The following INSR variants were observed in gnomAD, a reference collection of about 807,000 sequenced individuals.
INSR encodes the protein IR.
Under a neutral mutation model 142.6 loss-of-function variants are expected in INSR, and 67 were observed. The ratio of observed to expected loss-of-function variants is 0.47; its 90% CI spans 0.39 to 0.58. The LOEUF is 0.58. Ranked by LOEUF, INSR falls within the 20% of genes least tolerant of loss-of-function variation. The pLI is 0.00. For synonymous variants in INSR, 756 were observed against 743.1 expected (o/e 1.02, Z -0.28); for missense variants, 1,248 against 1,833.2 (o/e 0.68, Z 5.83).
intron 10 of INSR, among the ~76,000 whole-genome samples, chr19:7,151,162 CTCTTTCTT>C (rs1218566297): frequency 0.073 from 3,342 of 45,818 alleles, 95 homozygotes; most frequent in East Asian, 0.14. Context: ...TTCTTTCTTT[CTCTTTCTT>C]TCTTTCTTTC....
chr19:7,196,461 C>T (rs1381448996), intron 2 of INSR, among the ~76,000 whole-genome samples: 1 of 152,088 alleles, frequency 6.6e-6, no homozygotes, highest in Non-Finnish European at 1.5e-5. Flanking sequence ...AAACAAAAAG[C>T]GACCAATTTG....
chr19:7,268,320 T>C (rs1241125622), intron 1 of INSR: 3 of 511,542 alleles, frequency 5.9e-6, no homozygotes, highest in Non-Finnish European at 5.0e-6. Context: ...GAAAGCTAAA[T>C]GTATTTGTTT....
At chr19:7,220,000 A>G (rs146396985) in intron 2 of INSR, among the ~76,000 whole-genome samples, 1 of 152,184 alleles carries the variant, frequency 6.6e-6, no homozygotes, top group Non-Finnish European at 1.5e-5. Flanking sequence ...CCCTGAACCA[A>G]TCATGGAGGC....
chr19:7,280,317 G>A (rs917154572), intron 1 of INSR, among the ~76,000 whole-genome samples: 5 of 151,036 alleles, frequency 3.3e-5, no homozygotes, highest in Non-Finnish European at 5.9e-5. Context: ...GGTTGCTCAC[G>A]CCTGTAATTC....
intron 2 of INSR, among the ~76,000 whole-genome samples, chr19:7,244,654 A>G (rs1462822252): frequency 3.3e-5 from 5 of 152,200 alleles, no homozygotes; most frequent in African/African-American, 1.2e-4. Flanking sequence ...CATTTGTCCC[A>G]AGAATAATCT....
intron 2 of INSR, among the ~76,000 whole-genome samples, chr19:7,261,782 C>T (rs964931580): frequency 5.3e-5 from 8 of 152,138 alleles, no homozygotes; most frequent in African/African-American, 1.9e-4. Flanking sequence ...CCACCTACCT[C>T]GGCCTCCCAA....
intron 19 of INSR, 47 bp downstream of exon 19, chr19:7,122,567 A>C (rs763563089): frequency 1.2e-6 from 2 of 1,609,554 alleles, no homozygotes; most frequent in Non-Finnish European, 1.7e-6. Context: ...TCTGAAATCA[A>C]ACCTGGCCTG....
Position 7,153,057 on chromosome 19 carries a change from A to ACACACACAC in INSR, c.2030-139_2030-131dup, listed in dbSNP as rs1568449185. 1.2e-3 allele frequency: 403 copies of ACACACACAC among 326,730 alleles called. 7 individuals are homozygous for ACACACACAC. In the East Asian group the frequency reaches 0.013, roughly 11 times the overall value. 20.2% of individuals were successfully genotyped at this position (326,730 alleles called of 1,614,324 possible). ...ACACACACACCACACACCCCCCCACACACACACACCACACACATCACACAA... is the reference window on the plus strand; with the variant it reads ...ACACACACACCACACACCCCCCCACACACACACACCACACACACCACACACATCACACAA... On this transcript the variant is annotated intron_variant, in intron 9 of 21. Coordinates refer to ENST00000302850, the MANE Select transcript of INSR (RefSeq NM_000208.4).
At position 7,157,191 on chromosome 19, in the gene INSR, G is replaced by C. The variant is rs1279138613; in HGVS notation, c.2030-4264C>G. Among the ~76,000 whole-genome samples, 3 of 152,128 alleles carry C rather than the reference G, an allele frequency of 2.0e-5. No homozygotes were observed. The East Asian group carries it at 5.8e-4, about 29-fold the overall frequency. ...GACGGGGTTTGGCCATGTTGGCCAG[G>C]CTGGTCTGAACTCCTGACCTCAGGT... On this transcript the variant is annotated intron_variant, in intron 9 of 21. Transcript: ENST00000302850.
Position 7,122,924 on chromosome 19 carries a change from G to T in INSR, c.3324C>A (p.His1108Gln). The T allele has an allele frequency of 6.2e-7, 1 of 1,608,594 alleles. No homozygotes were observed. Among genetic ancestry groups the T allele is most frequent in the East Asian group, 2.2e-5 (1 of 44,684 alleles). ...PTLVVMELMAHGDLKSYLRSL... is the reference protein window; with the variant it reads ...PTLVVMELMAQGDLKSYLRSL... ...AACGGAGGTAGCTCTTCAGGTCTCC[G>T]TGAGCCATCAGCTCCATCACCACCA... Residue 1108 changes from histidine (H) to glutamine (Q), a missense_variant, in exon 18 of 22, where the codon CAC (histidine) becomes CAA (glutamine). This residue lies in a region of INSR where 1,069 missense variants were observed against 1,654.0 expected (regional missense o/e 0.65). Coordinates refer to ENST00000302850, the MANE Select transcript of INSR (RefSeq NM_000208.4).
At chr19:7,272,195 AC>A (rs1243039404) in intron 1 of INSR, among the ~76,000 whole-genome samples, 1 of 151,986 alleles carries the variant, frequency 6.6e-6, no homozygotes, top group African/African-American at 2.4e-5. Context: ...AGTCCCAGCT[AC>A]TTGGGAAGCT....
In INSR at chr19:7,119,848, A is replaced by C. The variant is rs1972442676; in HGVS notation, c.3660-265T>G. Among the ~76,000 whole-genome samples the C allele has an allele frequency of 1.3e-5, 1 of 75,954 alleles. No homozygotes were observed. The highest frequency in any genetic ancestry group is 1.3e-4 in the Admixed American group (1 of 7,792). 49.8% of individuals were successfully genotyped at this position (75,954 alleles called of 152,430 possible). A position where few individuals can be genotyped will look rare whatever the true frequency, so the allele number is the denominator to read the frequency against. ...CACACAAACACACACACCCAAACAC[A>C]CACACGCACACACATGCAAACACAC... On this transcript the variant is annotated intron_variant, in intron 20 of 21. Transcript: ENST00000302850. The surrounding 1 kb of genome is among the most constrained non-coding windows in gnomAD (Gnocchi z 5.2).
chr19:7,238,851 C>T (rs1190697151), intron 2 of INSR, among the ~76,000 whole-genome samples: 2 of 148,030 alleles, frequency 1.4e-5, no homozygotes, highest in East Asian at 3.9e-4. Flanking sequence ...TATGTGTCCC[C>T]AAAACTTGGG....
chr19:7,284,339 C>T (rs921878378), intron 1 of INSR, among the ~76,000 whole-genome samples: 6 of 152,202 alleles, frequency 3.9e-5, no homozygotes, highest in African/African-American at 1.4e-4. Flanking sequence ...GCTGGGATTG[C>T]AGATGTGAGC....
rs1467113138 is a variant in INSR, at chr19:7,142,955, C to G, written c.2403G>C (p.Val801=). The G allele has an allele frequency of 1.9e-6, 3 of 1,614,050 alleles. No homozygotes were observed. Among genetic ancestry groups the G allele is most frequent in the Non-Finnish European group, 2.5e-6 (3 of 1,180,036 alleles). Reference sequence around the variant, plus strand: ...AGATGACCAGCGACTCCTTGTTCACCACCTTCTCAAAAGGCCTGTGCTCCT... The same window carrying G: ...AGATGACCAGCGACTCCTTGTTCACGACCTTCTCAAAAGGCCTGTGCTCCT... ...SPEEHRPFEK[V]VNKESLVISG... The change falls in exon 12 of 22, where the codon GTG becomes GTC. Residue 801 remains valine, a synonymous_variant. Coordinates refer to ENST00000302850, the MANE Select transcript of INSR (RefSeq NM_000208.4).
At chr19:7,264,023 G>T (rs1013959559) in intron 2 of INSR, among the ~76,000 whole-genome samples, 12 of 152,130 alleles carry the variant, frequency 7.9e-5, no homozygotes, top group Admixed American at 2.0e-4. Flanking sequence ...TACAAAATTA[G>T]CTGGGTGTGG....
intron 14 of INSR, among the ~76,000 whole-genome samples, chr19:7,131,078 C>A (rs954528044): frequency 2.6e-5 from 4 of 151,142 alleles, no homozygotes; most frequent in Non-Finnish European, 5.9e-5. Flanking sequence ...TGGGGTTTCA[C>A]CATGTTGGTC....
In INSR at chr19:7,197,758, A is replaced by AGTGTGT. The variant is rs57922087; in HGVS notation, c.653-13127_653-13122dup. Among the ~76,000 whole-genome samples, 333 of 57,804 alleles carry AGTGTGT rather than the reference A, an allele frequency of 5.8e-3. 29 individuals are homozygous for AGTGTGT. Among genetic ancestry groups the AGTGTGT allele is most frequent in the South Asian group, 0.011 (16 of 1,410 alleles). The allele number at this position is 57,804 out of a possible 152,430, so 37.9% of individuals were successfully genotyped here. ...TGTGATTGGCAGGTTCCAGAGTGGG[A>AGTGTGT]GTGTGTGTGTGTGTGTGTGTGTGTC... On this transcript the variant is annotated intron_variant, in intron 2 of 21. Transcript: ENST00000302850.
chr19:7,268,074 T>G (rs1967795382), intron 1 of INSR, among the ~76,000 whole-genome samples, 178 bp from the exon 2 acceptor site: 1 of 152,148 alleles, frequency 6.6e-6, no homozygotes, highest in Non-Finnish European at 1.5e-5. Context: ...AAAGTACCCA[T>G]GCCTAAGTAA....
Sources: allele counts gnomAD v4.1 joint callset (sites outside exome capture counted in the v4.1 genomes callset), GRCh38; gene constraint gnomAD v4.1.1; regional missense constraint gnomAD v4.1.1; non-coding constraint Gnocchi (gnomAD v3.1); transcripts MANE v1.5; gene names NCBI Gene and HGNC (gene_info 2026-07-23, HGNC 2026-07-21).